HAVCR1: variants seen among roughly 807,000 people sequenced by gnomAD.
HAVCR1 encodes the protein hepatitis A virus cellular receptor 1.
In HAVCR1, 34 loss-of-function variants were observed where a neutral mutation model predicts 32.0. That is an observed-to-expected ratio of 1.06 (90% CI 0.81 to 1.42). HAVCR1 has a LOEUF of 1.42. Ranked by LOEUF, HAVCR1 falls within the 40% of genes most tolerant of loss-of-function variation. The probability of loss-of-function intolerance (pLI) is 0.00; values close to 1 mark genes in which losing one functional copy is unlikely to be tolerated. For missense variants in HAVCR1, 420 were observed against 442.3 expected (o/e 0.95, Z 0.45); for synonymous variants, 178 against 170.3 (o/e 1.05, Z -0.35).
intron 5 of HAVCR1, among the ~76,000 whole-genome samples, chr5:157,048,529 C>G (rs1755541830): frequency 6.6e-6 from 1 of 152,132 alleles, no homozygotes; most frequent in Admixed American, 6.6e-5. Context: ...GTATTACATC[C>G]TTTTTACAAA....
At position 157,052,410 on chromosome 5, in the gene HAVCR1, G is replaced by T; in HGVS notation, c.624C>A (p.Val208=). The change falls in exon 4 of 9, where the codon GTC becomes GTA. Residue 208 remains valine (V), a synonymous_variant. Transcript: ENST00000523175. ...TTTSVPVTTT[V]STFVPPMPLP... ...AAGGCATTGGAGGAACAAAGGTAGA[G>T]ACAGTTGTTGTCACTGGAACACTTG... 3 of 1,612,052 alleles carry T rather than the reference G, an allele frequency of 1.9e-6. No individual in the cohort carries two copies. The highest frequency in any genetic ancestry group is 2.5e-6 in the Non-Finnish European group (3 of 1,179,404).
At chr5:157,042,350 G>A (rs1754954416) in intron 6 of HAVCR1, among the ~76,000 whole-genome samples, 1 of 151,052 alleles carries the variant, frequency 6.6e-6, no homozygotes, top group African/African-American at 2.4e-5. Context: ...GCTGAGGCAG[G>A]AGAATGGCCT....
chr5:157,044,425 A>AGGAAGGAAGG (rs1190584462), intron 5 of HAVCR1, among the ~76,000 whole-genome samples: 3 of 18,966 alleles, frequency 1.6e-4, no homozygotes, highest in Non-Finnish European at 2.8e-4. Flanking sequence ...AGGAAGGAGA[A>AGGAAGGAAGG]AGAAAGAAAG....
At chr5:157,068,145 G>T in the HAVCR1 span, among the ~76,000 whole-genome samples, 3 of 152,136 alleles carry the variant, frequency 2.0e-5, no homozygotes, top group Non-Finnish European at 4.4e-5. Context: ...ATGGTTGCGG[G>T]TGCTTCTAGT....
intron 2 of HAVCR1, among the ~76,000 whole-genome samples, chr5:157,057,386 G>GGAAGGAAA (rs1554092970): frequency 2.5e-5 from 2 of 79,390 alleles, no homozygotes; most frequent in African/African-American, 1.2e-4. Flanking sequence ...GAGAGAGAGA[G>GGAAGGAAA]GAAAGAAAGA....
chr5:157,037,682 T>C (rs1754618558), intron 6 of HAVCR1, among the ~76,000 whole-genome samples: 1 of 152,236 alleles, frequency 6.6e-6, no homozygotes, highest in South Asian at 2.1e-4. Context: ...TTTACTGTTT[T>C]AAAAGTCAAT....
rs1755788296 is a variant in HAVCR1, at chr5:157,052,364, G to C, written c.670C>G (p.Pro224Ala). 6.2e-7 allele frequency: 1 copy of C among 1,613,880 alleles called. No homozygotes were observed. Among genetic ancestry groups the C allele is most frequent in the Admixed American group, 1.7e-5 (1 of 60,000 alleles). The change falls in exon 4 of 9, where the codon CCA becomes GCA. Residue 224 changes from proline (P) to alanine (A), a missense_variant. Pro to Ala is a conservative substitution (Grantham distance 27). Transcript: ENST00000523175. ...CTTCCAAACACATCTGTTTTACCTGGTTCATGGTTCTGCCTGGGCAAAGGC... is the reference window on the plus strand; with the variant it reads ...CTTCCAAACACATCTGTTTTACCTGCTTCATGGTTCTGCCTGGGCAAAGGC... Reference protein sequence around the residue: ...PMPLPRQNHEPVATSPSSPQP... With the variant: ...PMPLPRQNHEAVATSPSSPQP...
At chr5:157,044,627 A>AAGAAAG (rs1561591284) in intron 5 of HAVCR1, among the ~76,000 whole-genome samples, 58 of 61,586 alleles carry the variant, frequency 9.4e-4, no homozygotes, top group South Asian at 2.2e-3. Flanking sequence ...GAAAGAAAGA[A>AAGAAAG]AGAAAGAAAG....
chr5:157,051,982 G>A (rs1352398345), intron 4 of HAVCR1, among the ~76,000 whole-genome samples: 1 of 152,170 alleles, frequency 6.6e-6, no homozygotes, highest in Non-Finnish European at 1.5e-5. Flanking sequence ...AGCTCTTCGT[G>A]AGGACACTAT....
At chr5:157,057,683 C>A (rs754063007) in intron 2 of HAVCR1, among the ~76,000 whole-genome samples, 41 of 152,274 alleles carry the variant, frequency 2.7e-4, no homozygotes, top group Non-Finnish European at 4.6e-4. Context: ...GTTCATTTAG[C>A]CATGAATGTT....
intron 7 of HAVCR1, among the ~76,000 whole-genome samples, chr5:157,035,574 C>T (rs1185652675): frequency 6.6e-6 from 1 of 152,064 alleles, no homozygotes; most frequent in Non-Finnish European, 1.5e-5. Flanking sequence ...TCTCATGTGC[C>T]TCTTCTGCTA....
At chr5:157,051,304 T>C (rs1755721153) in intron 4 of HAVCR1, among the ~76,000 whole-genome samples, 11 of 152,178 alleles carry the variant, frequency 7.2e-5, no homozygotes, top group Admixed American at 6.6e-4. Flanking sequence ...CATAAATAAA[T>C]TAAAGGACCT....
In HAVCR1 at chr5:157,055,322, C is replaced by A; in HGVS notation, c.258G>T (p.Arg86Ser). 1 of 1,613,054 alleles carries A rather than the reference C, an allele frequency of 6.2e-7. No homozygotes were observed. Among genetic ancestry groups the A allele is most frequent in the Non-Finnish European group, 8.5e-7 (1 of 1,178,998 alleles). The stretch of plus-strand genomic sequence containing the variant: ...TATTTTCTATGGTCAAAGAGACATC[C>A]CTTCTTGAAAGGTCCCCCAATAGCT... ...RYKLLGDLSR[R>S]DVSLTIENTA... Residue 86 changes from arginine (R) to serine (S), a missense_variant, in exon 3 of 9, where the codon AGG becomes AGT. Physicochemically the swap from Arg to Ser is moderately radical, Grantham distance 110. Transcript: ENST00000523175.
At chr5:157,053,536 C>A (rs2113622425) in intron 3 of HAVCR1, among the ~76,000 whole-genome samples, 1 of 152,140 alleles carries the variant, frequency 6.6e-6, no homozygotes, top group South Asian at 2.1e-4. Context: ...GTATTGGGTT[C>A]TATTATCATT....
At chr5:157,046,166 G>A (rs958140527) in intron 5 of HAVCR1, among the ~76,000 whole-genome samples, 23 of 152,106 alleles carry the variant, frequency 1.5e-4, no homozygotes, top group Non-Finnish European at 3.4e-4. Flanking sequence ...GGAATGATTG[G>A]CAAAAAAAGT....
intron 2 of HAVCR1, among the ~76,000 whole-genome samples, chr5:157,057,452 A>T (rs1756270512): frequency 7.7e-6 from 1 of 130,420 alleles, no homozygotes; most frequent in Admixed American, 7.7e-5. Context: ...AGAAAGAAAG[A>T]AAGAAAGAAA....
rs573183336 is a variant in HAVCR1, at chr5:157,044,368, CGAAGGAAG to C, written c.782-1694_782-1687del. Among the ~76,000 whole-genome samples the C allele has an allele frequency of 3.1e-3, 98 of 31,330 alleles. 1 individual carries two copies. The highest frequency in any genetic ancestry group is 7.6e-3 in the African/African-American group (64 of 8,436). 20.6% of individuals were successfully genotyped at this position (31,330 alleles called of 152,430 possible). On this transcript the variant is annotated intron_variant, in intron 5 of 8. Coordinates refer to ENST00000523175, the MANE Select transcript of HAVCR1 (RefSeq NM_001173393.3). ...GGGAAGGGAAGGGAGAAAGAAAGGA[CGAAGGAAG>C]GAAGGAAGGAAGGAAGGAAGGAAGG... is the stretch of plus-strand genomic sequence containing the variant.
chr5:157,042,049 G>A (rs1451815989), intron 6 of HAVCR1, among the ~76,000 whole-genome samples: 2 of 150,416 alleles, frequency 1.3e-5, no homozygotes, highest in African/African-American at 4.9e-5. Flanking sequence ...ACAGAGTGAT[G>A]TTCTGTCTCA....
chr5:157,051,356 C>G (rs1755724798), intron 4 of HAVCR1, among the ~76,000 whole-genome samples: 1 of 152,006 alleles, frequency 6.6e-6, no homozygotes, highest in South Asian at 2.1e-4. Context: ...CCTGAAAAGA[C>G]AGTGTGGTTG....
Sources: gnomAD v4.1 joint callset for allele counts (sites outside exome capture counted in the v4.1 genomes callset) on GRCh38, gnomAD v4.1.1 for gene constraint, MANE v1.5 for transcripts, NCBI Gene and HGNC (gene_info 2026-07-23, HGNC 2026-07-21) for gene names.